Variants in YOD1 observed in about 807,000 individuals in gnomAD.
The protein encoded by YOD1 is YOD1 deubiquitinase.
A neutral mutation model predicts 23.7 loss-of-function variants in YOD1; 17 were observed. The ratio of observed to expected loss-of-function variants is 0.72; its 90% CI spans 0.49 to 1.07. YOD1 has a LOEUF of 1.07. YOD1 is among the 50% of genes least tolerant of loss of function. The pLI is 0.00. For missense variants in YOD1, 413 were observed against 447.2 expected, an observed-to-expected ratio of 0.92 and a Z score of 0.69; for synonymous variants, 191 against 169.6, an observed-to-expected ratio of 1.13 and a Z score of -0.98.
At position 207,045,961 on chromosome 1, in the gene YOD1, A is replaced by C. The variant is rs1682591610; in HGVS notation, c.*3059T>G. The C allele has an allele frequency of 6.6e-6, 1 of 152,110 alleles. No individual in the cohort carries two copies. The highest frequency in any genetic ancestry group is 1.5e-5 in the Non-Finnish European group (1 of 67,930). 9.4% of individuals were successfully genotyped at this position (152,110 alleles called of 1,614,324 possible). A position where few individuals can be genotyped will look rare whatever the true frequency, so the allele number is the denominator to read the frequency against. ...ATGGGAAACAATGAAGAAATCAACC[A>C]TGAACCATTAGCAAAAGATGGAACA... is the stretch of plus-strand genomic sequence containing the variant. On this transcript the variant is annotated 3_prime_UTR_variant, in exon 2 of 2. Transcript: ENST00000315927.
chr1:207,052,268 T>C, upstream of YOD1: 1 of 1,593,642 alleles, frequency 6.3e-7, no homozygotes, highest in Non-Finnish European at 8.6e-7. Context: ...AATTTTTTTT[T>C]GCTGGTGCAA....
At chr1:207,050,460 G>C (rs1019255325) in intron 1 of YOD1, among the ~76,000 whole-genome samples, 1 of 152,178 alleles carries the variant, frequency 6.6e-6, no homozygotes, top group South Asian at 2.1e-4. Context: ...TGGGGAAGGG[G>C]GTCTTCAAGG....
At position 207,049,264 on chromosome 1, in the gene YOD1, T is replaced by C. The variant is rs1424741649; in HGVS notation, c.803A>G (p.Tyr268Cys). Residue 268 changes from tyrosine (Y) to cysteine (C), a missense_variant, in exon 2 of 2, where the codon TAT becomes TGT. Physicochemically the swap from Tyr to Cys is radical, Grantham distance 194 (BLOSUM62 -2). Coordinates refer to ENST00000315927, the MANE Select transcript of YOD1 (RefSeq NM_018566.4). ...RVLLIYDGIH[Y>C]DPLQRNFPDP... ...AGGGAAGTTACGCTGAAGTGGATCA[T>C]AGTGGATGCCATCATAAATAAGCAG... 4 of 1,614,160 alleles carry C rather than the reference T, an allele frequency of 2.5e-6. No individual in the cohort carries two copies. Among genetic ancestry groups the C allele is most frequent in the Non-Finnish European group, 2.5e-6 (3 of 1,180,022 alleles).
chr1:207,049,451 T>G lies in YOD1; in HGVS notation c.616A>C (p.Asn206His). ...FYSEAILGKT[N>H]QEYCDWIKRD... ...TTGATCCAGTCACAGTACTCTTGATTTGTTTTTCCCAGTATTGCCTCACTA... is the reference window on the plus strand; with the variant it reads ...TTGATCCAGTCACAGTACTCTTGATGTGTTTTTCCCAGTATTGCCTCACTA... The change falls in exon 2 of 2, where the codon AAT (asparagine) becomes CAT (histidine). Residue 206 changes from asparagine (N) to histidine (H), a missense_variant. Coordinates refer to ENST00000315927, the MANE Select transcript of YOD1 (RefSeq NM_018566.4). 1 of 1,614,200 alleles carries G rather than the reference T, an allele frequency of 6.2e-7. No individual in the cohort carries two copies. Among genetic ancestry groups the G allele is most frequent in the Non-Finnish European group, 8.5e-7 (1 of 1,180,034 alleles).
At position 207,048,854 on chromosome 1, in the gene YOD1, C is replaced by A. The variant is rs1232798080; in HGVS notation, c.*166G>T. On this transcript the variant is annotated 3_prime_UTR_variant, in exon 2 of 2. Coordinates refer to ENST00000315927, the MANE Select transcript of YOD1 (RefSeq NM_018566.4). Reference sequence around the variant, plus strand: ...AGACACACATCTGTAAACTTGCACACTAATTTTAATCTTAACAAGGAATTT... The same window carrying A: ...AGACACACATCTGTAAACTTGCACAATAATTTTAATCTTAACAAGGAATTT... 4.5e-6 allele frequency: 3 copies of A among 660,728 alleles called. No homozygotes were observed. The allele number at this position is 660,728 out of a possible 1,614,324, so 40.9% of individuals were successfully genotyped here. A position where few individuals can be genotyped will look rare whatever the true frequency, so the allele number is the denominator to read the frequency against.
In YOD1 at chr1:207,049,588, C is replaced by G; in HGVS notation, c.479G>C (p.Cys160Ser). The stretch of plus-strand genomic sequence containing the variant: ...GACATAGTACACACTAGTAAAGAGG[C>G]AAGAGTTGTCTGCTGGGACCACGGT... ...TRTVVPADNS[C>S]LFTSVYYVVE... Residue 160 changes from cysteine (C) to serine (S), a missense_variant, in exon 2 of 2, where the codon TGC (cysteine) becomes TCC (serine). Cys to Ser is a moderately radical substitution (Grantham distance 112). Coordinates refer to ENST00000315927, the MANE Select transcript of YOD1 (RefSeq NM_018566.4). The G allele has an allele frequency of 6.2e-7, 1 of 1,614,122 alleles. No homozygotes were observed. The highest frequency in any genetic ancestry group is 1.1e-5 in the South Asian group (1 of 91,084).
upstream of YOD1, chr1:207,052,433 G>A (rs951795047): frequency 3.0e-5 from 15 of 496,464 alleles, no homozygotes; most frequent in South Asian, 2.8e-4. Flanking sequence ...AGGCCGAGGC[G>A]GGTGAATCAC....
Position 207,050,919 on chromosome 1 carries a change from G to T in YOD1, c.112C>A (p.Pro38Thr), listed in dbSNP as rs763559031. The T allele has an allele frequency of 6.3e-6, 10 of 1,597,786 alleles. No homozygotes were observed. In the Admixed American group the frequency reaches 1.6e-4, roughly 25 times the overall value. The change falls in exon 1 of 2, where the codon CCT becomes ACT. Residue 38 changes from proline (P) to threonine (T), a missense_variant. By Grantham distance (38) the Pro-to-Thr change is conservative (BLOSUM62 -1). Coordinates refer to ENST00000315927, the MANE Select transcript of YOD1 (RefSeq NM_018566.4). ...ATCGTGTCGGTCCGGCTGCCCACAG[G>T]CCAGGCACCCGCGGGGCCAGCTTTG... ...GTKAGPAGAW[P>T]VGSRTDTMWR...
Position 207,049,214 on chromosome 1 carries a change from T to TGAC in YOD1, c.852_853insGTC (p.Thr284_Ile285insVal), listed in dbSNP as rs1682672146. The TGAC allele has an allele frequency of 6.2e-7, 1 of 1,613,884 alleles. No homozygotes were observed. The highest frequency in any genetic ancestry group is 8.5e-7 in the Non-Finnish European group (1 of 1,180,028). ...ACAATATCATCATTAGAGGAGAAAA[T>TGAC]GGTCAGAGGAGGTGTATCTGGATCA... On this transcript the variant is annotated inframe_insertion, in exon 2 of 2. Transcript: ENST00000315927.
rs1190501070 is a variant in YOD1 at position 207,045,369 on chromosome 1, A to T, written c.*3651T>A. Reference sequence around the variant, plus strand: ...TGAGTTCTACTGTTATCAAAACACCAGAATGTTGTGCCAATAGATACACTC... The same window carrying T: ...TGAGTTCTACTGTTATCAAAACACCTGAATGTTGTGCCAATAGATACACTC... On this transcript the variant is annotated 3_prime_UTR_variant, in exon 2 of 2. Coordinates refer to ENST00000315927, the MANE Select transcript of YOD1 (RefSeq NM_018566.4). 3 of 152,536 alleles carry T rather than the reference A, an allele frequency of 2.0e-5. No homozygotes were observed. Among genetic ancestry groups the T allele is most frequent in the Non-Finnish European group, 2.9e-5 (2 of 67,932 alleles). 9.4% of individuals were successfully genotyped at this position (152,536 alleles called of 1,614,324 possible).
At chr1:207,050,369 A>G (rs80181065) in intron 1 of YOD1, among the ~76,000 whole-genome samples, 1,699 of 152,290 alleles carry the variant, frequency 0.011, 28 homozygotes, top group East Asian at 0.043. Context: ...AAGGACAGAG[A>G]AAATAGGCCC....
intron 1 of YOD1, among the ~76,000 whole-genome samples, chr1:207,050,301 G>GA (rs926498163): frequency 1.3e-4 from 20 of 148,360 alleles, no homozygotes; most frequent in South Asian, 2.1e-4. Flanking sequence ...AATGAATCAA[G>GA]AAAAAAAAAA....
At position 207,048,430 on chromosome 1, in the gene YOD1, G is replaced by A. The variant is rs905601645; in HGVS notation, c.*590C>T. The A allele has an allele frequency of 3.9e-5, 6 of 153,676 alleles. No individual in the cohort carries two copies. Among genetic ancestry groups the A allele is most frequent in the African/African-American group, 1.4e-4 (6 of 41,414 alleles). 9.5% of individuals were successfully genotyped at this position (153,676 alleles called of 1,614,324 possible). On this transcript the variant is annotated 3_prime_UTR_variant, in exon 2 of 2. Transcript: ENST00000315927. ...CCAAATTGCAATATAAAATCAGTTT[G>A]GACAATTCTGAGTATCTTCATTTGA...
In YOD1 at chr1:207,049,552, C is replaced by A; in HGVS notation, c.515G>T (p.Gly172Val). ...AGGGGCACAAGCTGGATTCAAGACT[C>A]CTCCTTCGACGACATAGTACACACT... ...FTSVYYVVEG[G>V]VLNPACAPEM... is the part of the protein sequence containing the mutation. Residue 172 changes from glycine to valine, a missense_variant, in exon 2 of 2, where the codon GGA (glycine) becomes GTA (valine). Coordinates refer to ENST00000315927, the MANE Select transcript of YOD1 (RefSeq NM_018566.4). 6.2e-7 allele frequency: 1 copy of A among 1,614,166 alleles called. No individual in the cohort carries two copies. The highest frequency in any genetic ancestry group is 8.5e-7 in the Non-Finnish European group (1 of 1,180,038).
chr1:207,050,366 G>T (rs1006002348), intron 1 of YOD1, among the ~76,000 whole-genome samples: 2 of 152,146 alleles, frequency 1.3e-5, no homozygotes, highest in African/African-American at 4.8e-5. Flanking sequence ...CATAAGGACA[G>T]AGAAAATAGG....
chr1:207,050,564 C>T, intron 1 of YOD1, 124 bp downstream of exon 1: 4 of 1,275,304 alleles, frequency 3.1e-6, no homozygotes, highest in Admixed American at 2.5e-5. Context: ...GATCTATCCT[C>T]GCCCCTGGCC....
chr1:207,046,382 G>GA lies in YOD1; in HGVS notation c.*2637dup, dbSNP rs1682601777. On this transcript the variant is annotated 3_prime_UTR_variant, in exon 2 of 2. Transcript: ENST00000315927. The stretch of plus-strand genomic sequence containing the variant: ...GAGTTTAATAAGCACAGTAAAAAAT[G>GA]AAAAAACAAACAAACAAAAAGCAAA... The GA allele has an allele frequency of 6.6e-6, 1 of 151,888 alleles. No homozygotes were observed. Among genetic ancestry groups the GA allele is most frequent in the African/African-American group, 2.4e-5 (1 of 41,410 alleles). 9.4% of individuals were successfully genotyped at this position (151,888 alleles called of 1,614,324 possible).
Position 207,043,899 on chromosome 1 carries a change from T to G in YOD1, c.*5121A>C, listed in dbSNP as rs1358542471. On this transcript the variant is annotated 3_prime_UTR_variant, in exon 2 of 2. Transcript: ENST00000315927. ...GAAACAAGTCACTTAATACAGCATT[T>G]AGATATTTAAAGTCATACACCTCAT... is the stretch of plus-strand genomic sequence containing the variant. 2 of 152,604 alleles carry G rather than the reference T, an allele frequency of 1.3e-5. No individual in the cohort carries two copies. Among genetic ancestry groups the G allele is most frequent in the African/African-American group, 4.8e-5 (2 of 41,448 alleles). 9.5% of individuals were successfully genotyped at this position (152,604 alleles called of 1,614,324 possible). A position where few individuals can be genotyped will look rare whatever the true frequency, so the allele number is the denominator to read the frequency against.
At chr1:207,052,668 A>C (rs1421258499), upstream of YOD1, among the ~76,000 whole-genome samples, 1 of 152,024 alleles carries the variant, frequency 6.6e-6, no homozygotes, top group Non-Finnish European at 1.5e-5. Flanking sequence ...ACAAAAACCA[A>C]ACCAAACCAA....
Sources: allele counts gnomAD v4.1 joint callset (sites outside exome capture counted in the v4.1 genomes callset), GRCh38; gene constraint gnomAD v4.1.1; transcripts MANE v1.5; gene names NCBI Gene and HGNC (gene_info 2026-07-23, HGNC 2026-07-21).